Variants in PLEKHA7 observed in about 807,000 individuals in gnomAD.
PLEKHA7 encodes the protein pleckstrin homology domain containing A7, also known as pleckstrin homology domain-containing family A member 7.
A neutral mutation model predicts 170.0 loss-of-function variants in PLEKHA7; 104 were observed. The observed-to-expected ratio is 0.61, with a 90% confidence interval of 0.52 to 0.72. PLEKHA7 has a LOEUF of 0.72. PLEKHA7 is among the 30% of genes least tolerant of loss of function. PLEKHA7 has a pLI of 0.00. For missense variants in PLEKHA7, 1,615 were observed against 1,671.7 expected (o/e 0.97, Z 0.59); for synonymous variants, 648 against 660.8 (o/e 0.98, Z 0.30).
chr11:16,938,090 A>T (rs1860433201), intron 3 of PLEKHA7, among the ~76,000 whole-genome samples: 1 of 152,060 alleles, frequency 6.6e-6, no homozygotes, highest in Non-Finnish European at 1.5e-5. Flanking sequence ...TATTTTCCCT[A>T]GTCCTGATTT....
intron 3 of PLEKHA7, among the ~76,000 whole-genome samples, chr11:17,006,626 CAA>C (rs59063580): frequency 3.3e-5 from 4 of 122,210 alleles, no homozygotes; most frequent in Non-Finnish European, 3.4e-5. Flanking sequence ...GACTCAGTCT[CAA>C]AAAAAAAAAA....
chr11:16,878,175 G>A (rs760497886), intron 3 of PLEKHA7, among the ~76,000 whole-genome samples: 6 of 152,048 alleles, frequency 3.9e-5, no homozygotes, highest in Non-Finnish European at 7.4e-5. Flanking sequence ...CTCTATCTAC[G>A]AAATATACGT....
chr11:17,006,726 A>C (rs934362617), intron 3 of PLEKHA7, among the ~76,000 whole-genome samples: 3 of 151,964 alleles, frequency 2.0e-5, no homozygotes, highest in Non-Finnish European at 4.4e-5. Context: ...TTATCTAGGG[A>C]GGAAAATATA....
At chr11:16,932,628 G>C (rs528571469) in intron 3 of PLEKHA7, among the ~76,000 whole-genome samples, 8 of 152,292 alleles carry the variant, frequency 5.3e-5, no homozygotes, top group African/African-American at 1.9e-4. Flanking sequence ...TACAAATCAT[G>C]ACTAGTAACC....
At chr11:16,783,979 A>ACCTCCCT in intron 24 of PLEKHA7, 146 bp from the exon 25 acceptor site, 1 of 916,036 alleles carries the variant, frequency 1.1e-6, no homozygotes. Flanking sequence ...AAAATTAGTC[A>ACCTCCCT]GTTGTGGAAT....
intron 3 of PLEKHA7, among the ~76,000 whole-genome samples, chr11:16,885,326 T>C: frequency 7.3e-6 from 1 of 137,296 alleles, no homozygotes; most frequent in East Asian, 2.1e-4. Flanking sequence ...TGAGACTCCA[T>C]CTCAAAAAAA....
chr11:16,809,709 G>A (rs933261684), intron 13 of PLEKHA7, among the ~76,000 whole-genome samples: 6 of 152,164 alleles, frequency 3.9e-5, no homozygotes, highest in South Asian at 2.1e-4. Flanking sequence ...CCCTAGTGAC[G>A]GGAAGTCCAC....
At chr11:16,904,772 T>C (rs953456204) in intron 3 of PLEKHA7, among the ~76,000 whole-genome samples, 2 of 152,232 alleles carry the variant, frequency 1.3e-5, no homozygotes, top group East Asian at 1.9e-4. Context: ...TTTGCATATA[T>C]TGCTTTCAAA....
intron 23 of PLEKHA7, chr11:16,787,809 A>G (rs1222678979): frequency 6.6e-6 from 1 of 152,230 alleles, no homozygotes; most frequent in African/African-American, 2.4e-5. Flanking sequence ...GTGTTACCCC[A>G]TATGACATTT....
intron 3 of PLEKHA7, among the ~76,000 whole-genome samples, chr11:17,005,467 G>A (rs144124001): frequency 0.02 from 3,004 of 152,340 alleles, 122 homozygotes; most frequent in African/African-American, 0.068. Flanking sequence ...AGGAGGCAGA[G>A]GTTGCAGTGA....
intron 3 of PLEKHA7, among the ~76,000 whole-genome samples, chr11:17,011,894 T>C (rs1865341049): frequency 2.0e-5 from 3 of 152,196 alleles, no homozygotes; most frequent in Non-Finnish European, 2.9e-5. Flanking sequence ...ATCTCAACGA[T>C]ATGAATGCTA....
At chr11:16,836,473 T>C (rs61617222) in intron 9 of PLEKHA7, among the ~76,000 whole-genome samples, 2,780 of 152,318 alleles carry the variant, frequency 0.018, 95 homozygotes, top group African/African-American at 0.064. Flanking sequence ...CCTGTATGAA[T>C]AAAGAGAGAA....
intron 9 of PLEKHA7, among the ~76,000 whole-genome samples, chr11:16,831,819 G>A (rs1195193216): frequency 6.6e-6 from 1 of 152,222 alleles, no homozygotes; most frequent in African/African-American, 2.4e-5. Context: ...GCACAGCACA[G>A]TGTCTGGCAC....
chr11:16,992,509 A>G (rs1864107091), intron 3 of PLEKHA7, among the ~76,000 whole-genome samples: 1 of 152,156 alleles, frequency 6.6e-6, no homozygotes, highest in African/African-American at 2.4e-5. Context: ...TATTCCCGGC[A>G]CCTTGGGAGG....
intron 3 of PLEKHA7, among the ~76,000 whole-genome samples, chr11:16,989,379 C>T (rs529758188): frequency 6.6e-6 from 1 of 152,138 alleles, no homozygotes; most frequent in African/African-American, 2.4e-5. Context: ...AAATGAGCTA[C>T]AAAATGGAGA....
intron 3 of PLEKHA7, among the ~76,000 whole-genome samples, chr11:16,891,119 T>C (rs1037168783): frequency 1.5e-5 from 2 of 135,456 alleles, no homozygotes; most frequent in African/African-American, 2.5e-5. Context: ...CTTGCTATGT[T>C]TCCCAGGCTG....
Position 16,801,049 on chromosome 11 carries a change from G to A in PLEKHA7, c.2334C>T (p.Tyr778=). ...GTTCCACATCATTCTCCAACTTCAG[G>A]TATTCGTTCCAAGCATTTTCCATCT... is the stretch of plus-strand genomic sequence containing the variant. ...STEMENAWNE[Y]LKLENDVEQL... is the part of the protein sequence containing the mutation. Residue 778 remains tyrosine, a synonymous_variant, in exon 17 of 27, where the codon TAC becomes TAT. Coordinates refer to ENST00000531066, the MANE Select transcript of PLEKHA7 (RefSeq NM_001329630.2). 3 of 1,614,194 alleles carry A rather than the reference G, an allele frequency of 1.9e-6. No individual in the cohort carries two copies. Among genetic ancestry groups the A allele is most frequent in the Non-Finnish European group, 2.5e-6 (3 of 1,180,038 alleles).
In PLEKHA7 at chr11:16,817,486, T is replaced by G; in HGVS notation, c.1344-164A>C. 1.5e-6 allele frequency: 1 copy of G among 648,740 alleles called. No homozygotes were observed. The highest frequency in any genetic ancestry group is 2.4e-6 in the Non-Finnish European group (1 of 413,124). The allele number at this position is 648,740 out of a possible 1,614,324, so 40.2% of individuals were successfully genotyped here. A position where few individuals can be genotyped will look rare whatever the true frequency, so the allele number is the denominator to read the frequency against. On this transcript the variant is annotated intron_variant, in intron 10 of 26. Coordinates refer to ENST00000531066, the MANE Select transcript of PLEKHA7 (RefSeq NM_001329630.2). The surrounding 1 kb of genome is among the most constrained non-coding windows in gnomAD (Gnocchi z 4.4). ...ATCCAGGACTTCAGTCACTTCCCCT[T>G]TTGGCAGACGACTCCAAAACCATTT...
intron 10 of PLEKHA7, among the ~76,000 whole-genome samples, chr11:16,822,213 C>A (rs1850276770): frequency 6.6e-6 from 1 of 152,140 alleles, no homozygotes; most frequent in Admixed American, 6.5e-5. Context: ...ATATCAGTCA[C>A]CCAGCTTTTG....
Sources: gnomAD v4.1 joint callset for allele counts (sites outside exome capture counted in the v4.1 genomes callset) on GRCh38, gnomAD v4.1.1 for gene constraint, Gnocchi (gnomAD v3.1) non-coding constraint, MANE v1.5 for transcripts, NCBI Gene and HGNC (gene_info 2026-07-23, HGNC 2026-07-21) for gene names.